DECR1: variants seen among roughly 807,000 people sequenced by gnomAD.
The protein encoded by DECR1 is 2,4-dienoyl-CoA reductase [(3E)-enoyl-CoA-producing], mitochondrial.
In DECR1, 44 loss-of-function variants were observed where a neutral mutation model predicts 38.8. The observed-to-expected ratio is 1.13, with a 90% confidence interval of 0.89 to 1.46. DECR1 has a LOEUF of 1.46. Among genes scored for constraint, DECR1 ranks in the 40% most tolerant of loss-of-function variants. DECR1 has a pLI of 0.00. For synonymous variants in DECR1, 148 were observed against 135.2 expected (o/e 1.09, Z -0.66); for missense variants, 428 against 405.5 (o/e 1.06, Z -0.48).
chr8:90,008,017 T>G (rs1812787860), intron 1 of DECR1, among the ~76,000 whole-genome samples: 1 of 152,238 alleles, frequency 6.6e-6, no homozygotes, highest in Admixed American at 6.5e-5. Flanking sequence ...GCTTTCATAA[T>G]TGCTGGAATG....
At chr8:90,024,638 G>C (rs764347526) in intron 5 of DECR1, among the ~76,000 whole-genome samples, 23 of 152,176 alleles carry the variant, frequency 1.5e-4, no homozygotes, top group Admixed American at 4.6e-4. Flanking sequence ...CAGATGGGTA[G>C]ATTGCATAAA....
intron 4 of DECR1, among the ~76,000 whole-genome samples, chr8:90,019,562 C>A (rs1465522608): frequency 1.3e-5 from 2 of 152,196 alleles, no homozygotes; most frequent in Admixed American, 1.3e-4. Flanking sequence ...GTTATCAGTT[C>A]GTTGCCATGG....
intron 6 of DECR1, 61 bp from the exon 7 acceptor site, chr8:90,042,667 T>C (rs1813791001): frequency 7.1e-7 from 1 of 1,413,176 alleles, no homozygotes; most frequent in African/African-American, 1.4e-5. Context: ...GTCTCAGTTA[T>C]TACTGTCTTT....
At chr8:90,027,622 G>A (rs1398386784) in intron 5 of DECR1, among the ~76,000 whole-genome samples, 3 of 152,052 alleles carry the variant, frequency 2.0e-5, no homozygotes, top group Non-Finnish European at 4.4e-5. Context: ...CTCTGCAGGT[G>A]AGATGGGTCT....
At chr8:90,021,164 A>G in intron 5 of DECR1, 108 bp downstream of exon 5, 1 of 757,502 alleles carries the variant, frequency 1.3e-6, no homozygotes, top group East Asian at 3.1e-5. Flanking sequence ...CACTTGTACA[A>G]CTCACAGTGT....
intron 8 of DECR1, among the ~76,000 whole-genome samples, chr8:90,051,462 A>G (rs957152747): frequency 4.6e-5 from 7 of 152,178 alleles, no homozygotes; most frequent in Non-Finnish European, 1.0e-4. Context: ...GATCTTCAAT[A>G]TTGGGTAGAT....
intron 6 of DECR1, among the ~76,000 whole-genome samples, chr8:90,040,682 T>C (rs1268420358): frequency 6.6e-6 from 1 of 152,176 alleles, no homozygotes; most frequent in Non-Finnish European, 1.5e-5. Flanking sequence ...GTCCATGTGT[T>C]CTCATTGTTC....
intron 8 of DECR1, among the ~76,000 whole-genome samples, chr8:90,046,736 C>T (rs1432164295): frequency 1.3e-5 from 2 of 152,140 alleles, no homozygotes; most frequent in Non-Finnish European, 2.9e-5. Flanking sequence ...ACATAATTGT[C>T]AGATTGACTA....
At chr8:90,022,985 G>A (rs1046800430) in intron 5 of DECR1, among the ~76,000 whole-genome samples, 4 of 152,118 alleles carry the variant, frequency 2.6e-5, no homozygotes, top group Non-Finnish European at 4.4e-5. Flanking sequence ...CAAGATTCCT[G>A]TCAGTTATTG....
At position 90,024,647 on chromosome 8, in the gene DECR1, A is replaced by AAC. The variant is rs1813280177; in HGVS notation, c.565+3592_565+3593insCA. 3.9e-5 allele frequency among the ~76,000 whole-genome samples: 6 copies of AAC among 152,090 alleles called. No individual in the cohort carries two copies. In the East Asian group the frequency reaches 1.2e-3, roughly 29 times the overall value. ...CTTTGTCAGATGGGTAGATTGCATA[A>AAC]ATTTTCTCCCATTCTGTAGGTTGCC... On this transcript the variant is annotated intron_variant, in intron 5 of 9. Transcript: ENST00000220764.
Position 90,051,957 on chromosome 8 carries a change from C to G in DECR1, c.*60C>G. The G allele has an allele frequency of 4.2e-6, 6 of 1,418,528 alleles. No homozygotes were observed. Among genetic ancestry groups the G allele is most frequent in the Non-Finnish European group, 5.0e-6 (5 of 1,008,614 alleles). 87.9% of individuals were successfully genotyped at this position (1,418,528 alleles called of 1,614,324 possible). A position where few individuals can be genotyped will look rare whatever the true frequency, so the allele number is the denominator to read the frequency against. On this transcript the variant is annotated 3_prime_UTR_variant, in exon 10 of 10. Transcript: ENST00000220764. Reference sequence around the variant, plus strand: ...GGAATAGAAATGAAACAAATTATCTCTCATCTTTTGACTATTTCAAGTCTA... The same window carrying G: ...GGAATAGAAATGAAACAAATTATCTGTCATCTTTTGACTATTTCAAGTCTA...
chr8:90,047,625 C>G (rs10435551), intron 8 of DECR1, among the ~76,000 whole-genome samples: 6,514 of 152,244 alleles, frequency 0.043, 284 homozygotes, highest in East Asian at 0.2. Context: ...GACAGAACAA[C>G]AAGACAGAAA....
intron 5 of DECR1, among the ~76,000 whole-genome samples, chr8:90,036,450 A>C (rs991766608): frequency 1.3e-5 from 2 of 152,176 alleles, no homozygotes; most frequent in African/African-American, 4.8e-5. Context: ...GGGTAAGTTC[A>C]TTATGGCTGG....
At chr8:90,033,279 A>G (rs970394453) in intron 5 of DECR1, among the ~76,000 whole-genome samples, 1 of 152,118 alleles carries the variant, frequency 6.6e-6, no homozygotes, top group African/African-American at 2.4e-5. Context: ...ATGTTCTTTT[A>G]TTACTATTTT....
Position 90,005,612 on chromosome 8 carries a change from G to A in DECR1, c.69+4051G>A, listed in dbSNP as rs3026278. ...GGCAGCTGGCTCCCAAAAGGAAGAA[G>A]ACCAAGGAGAACTGTTCATACCCAA... On this transcript the variant is annotated intron_variant, in intron 1 of 9. Transcript: ENST00000220764. 2,066 of 372,404 alleles carry A rather than the reference G, an allele frequency of 5.5e-3. 41 individuals carry two copies. The highest frequency in any genetic ancestry group is 0.041 in the African/African-American group (1,944 of 47,098). 23.1% of individuals were successfully genotyped at this position (372,404 alleles called of 1,614,324 possible).
chr8:90,040,057 C>A (rs952479579), intron 6 of DECR1, among the ~76,000 whole-genome samples: 2 of 152,142 alleles, frequency 1.3e-5, no homozygotes, highest in Non-Finnish European at 2.9e-5. Flanking sequence ...ATCATGCTAG[C>A]AATTGAACAA....
chr8:90,024,788 C>T (rs546569600), intron 5 of DECR1, among the ~76,000 whole-genome samples: 10 of 152,250 alleles, frequency 6.6e-5, no homozygotes, highest in Non-Finnish European at 1.2e-4. Context: ...ACATGAAGCC[C>T]TTGCCCATGC....
chr8:90,017,925 C>T (rs552292162), intron 2 of DECR1, among the ~76,000 whole-genome samples: 5 of 152,216 alleles, frequency 3.3e-5, no homozygotes, highest in South Asian at 4.1e-4. Flanking sequence ...CAGCTCTTGT[C>T]GCCCAGGCTG....
intron 1 of DECR1, among the ~76,000 whole-genome samples, chr8:90,012,880 G>A (rs1812921184): frequency 6.6e-6 from 1 of 152,204 alleles, no homozygotes; most frequent in Non-Finnish European, 1.5e-5. Flanking sequence ...CAATTCTGCT[G>A]GGTTGAGAAA....
Sources: gnomAD v4.1 joint callset for allele counts (sites outside exome capture counted in the v4.1 genomes callset) on GRCh38, gnomAD v4.1.1 for gene constraint, MANE v1.5 for transcripts, NCBI Gene and HGNC (gene_info 2026-07-23, HGNC 2026-07-21) for gene names.